ANKS1B: variants seen among roughly 807,000 people sequenced by gnomAD.
ANKS1B encodes ankyrin repeat and sterile alpha motif domain-containing protein 1B.
In ANKS1B, 36 loss-of-function variants were observed where a neutral mutation model predicts 148.3. The ratio of observed to expected loss-of-function variants is 0.24; its 90% CI spans 0.19 to 0.32. The LOEUF (loss-of-function observed/expected upper bound fraction) is 0.32, where lower values mean the gene tolerates loss of function less well. Among genes scored for constraint, ANKS1B ranks in the 10% least tolerant of loss-of-function variants. ANKS1B has a pLI of 1.00. For synonymous variants in ANKS1B, 542 were observed against 560.8 expected (o/e 0.97, Z 0.47); for missense variants, 1,157 against 1,542.6 (o/e 0.75, Z 4.19).
At chr12:99,370,575 C>T (rs772965268) in intron 12 of ANKS1B, among the ~76,000 whole-genome samples, 6 of 152,104 alleles carry the variant, frequency 3.9e-5, no homozygotes, top group Non-Finnish European at 5.9e-5. Flanking sequence ...AGCACATTTT[C>T]CCAGTCTCAG....
intron 1 of ANKS1B, among the ~76,000 whole-genome samples, chr12:99,982,489 G>T (rs1192635280): frequency 6.6e-6 from 1 of 152,096 alleles, no homozygotes; most frequent in Non-Finnish European, 1.5e-5. Context: ...TTTTCCCGAA[G>T]AAATTGTTTA....
chr12:99,164,009 T>C (rs905430162), intron 14 of ANKS1B, among the ~76,000 whole-genome samples: 19 of 152,222 alleles, frequency 1.2e-4, no homozygotes, highest in African/African-American at 4.6e-4. Flanking sequence ...CTTGCGGTTT[T>C]AATTTGTATT....
At chr12:99,194,309 T>C (rs2081128334) in intron 14 of ANKS1B, among the ~76,000 whole-genome samples, 1 of 152,150 alleles carries the variant, frequency 6.6e-6, no homozygotes, top group South Asian at 2.1e-4. Flanking sequence ...AAAAGTATGT[T>C]ATACTCAACA....
chr12:99,980,608 T>C (rs1337846810), intron 1 of ANKS1B, among the ~76,000 whole-genome samples: 3 of 152,010 alleles, frequency 2.0e-5, no homozygotes, highest in Non-Finnish European at 4.4e-5. Flanking sequence ...AAGAGGGTCA[T>C]TGCAAAATTT....
intron 4 of ANKS1B, among the ~76,000 whole-genome samples, chr12:99,785,160 G>C (rs1288227470): frequency 6.6e-6 from 1 of 151,520 alleles, no homozygotes; most frequent in African/African-American, 2.4e-5. Context: ...AGATTCCAAA[G>C]ATGAAGCTTT....
At chr12:98,811,733 G>C (rs1437124044) in intron 19 of ANKS1B, among the ~76,000 whole-genome samples, 1 of 152,134 alleles carries the variant, frequency 6.6e-6, no homozygotes, top group South Asian at 2.1e-4. Flanking sequence ...CAGGGGCAGG[G>C]CAGGATTCAC....
At chr12:99,218,190 G>T (rs1043832699) in intron 14 of ANKS1B, among the ~76,000 whole-genome samples, 10 of 151,996 alleles carry the variant, frequency 6.6e-5, no homozygotes, top group African/African-American at 2.4e-4. Context: ...TCTGCTTTTT[G>T]AATTTAAAAA....
At chr12:98,972,276 G>A (rs2099883816) in intron 17 of ANKS1B, among the ~76,000 whole-genome samples, 1 of 152,236 alleles carries the variant, frequency 6.6e-6, no homozygotes, top group African/African-American at 2.4e-5. Context: ...GTTTGCTAAT[G>A]TTGGAAGAAA....
chr12:99,399,445 C>T (rs1182259785), intron 12 of ANKS1B, among the ~76,000 whole-genome samples, 186 bp downstream of exon 12: 1 of 152,024 alleles, frequency 6.6e-6, no homozygotes, highest in East Asian at 1.9e-4. Context: ...CACCAAAAGG[C>T]CATCCATGTA....
intron 8 of ANKS1B, among the ~76,000 whole-genome samples, chr12:99,660,891 T>G (rs572736796): frequency 3.6e-4 from 55 of 152,250 alleles, no homozygotes; most frequent in African/African-American, 1.3e-3. Context: ...CAGGTCTCAC[T>G]AACAGCTGAA....
intron 15 of ANKS1B, among the ~76,000 whole-genome samples, chr12:99,113,854 TG>T (rs1489847631): frequency 6.6e-6 from 1 of 152,208 alleles, no homozygotes; most frequent in African/African-American, 2.4e-5. Flanking sequence ...TGTATTGATT[TG>T]TATATTCTAA....
intron 25 of ANKS1B, among the ~76,000 whole-genome samples, chr12:98,765,706 C>T (rs556245496): frequency 1.3e-5 from 2 of 148,246 alleles, no homozygotes; most frequent in South Asian, 4.3e-4. Flanking sequence ...AGCAGTTCTC[C>T]TGCCTCAGCC....
intron 9 of ANKS1B, among the ~76,000 whole-genome samples, chr12:99,632,390 T>C (rs1305352464): frequency 6.6e-6 from 1 of 151,818 alleles, no homozygotes; most frequent in East Asian, 2.0e-4. Flanking sequence ...AGTGGAAATG[T>C]GGGGTTGGAG....
chr12:99,981,267 G>A (rs926679692), intron 1 of ANKS1B, among the ~76,000 whole-genome samples: 4 of 152,034 alleles, frequency 2.6e-5, no homozygotes, highest in African/African-American at 7.2e-5. Context: ...GAATAGTGAG[G>A]CTTAGAGAGG....
intron 1 of ANKS1B, among the ~76,000 whole-genome samples, chr12:99,890,045 C>A (rs1183136836): frequency 6.6e-6 from 1 of 152,110 alleles, no homozygotes; most frequent in Non-Finnish European, 1.5e-5. Context: ...AATGTCCTTT[C>A]TTTGAGCTCT....
chr12:98,821,056 T>C (rs1023579113), intron 19 of ANKS1B, among the ~76,000 whole-genome samples: 1 of 152,226 alleles, frequency 6.6e-6, no homozygotes, highest in Admixed American at 6.5e-5. Context: ...ATTTTATTTG[T>C]GCCTCACAAC....
chr12:99,726,200 G>T (rs967043558), intron 8 of ANKS1B, among the ~76,000 whole-genome samples: 1 of 152,106 alleles, frequency 6.6e-6, no homozygotes, highest in Non-Finnish European at 1.5e-5. Context: ...AAATCCAGCA[G>T]CTGGTTTTTT....
At chr12:99,037,939 CT>C in intron 17 of ANKS1B, among the ~76,000 whole-genome samples, 1 of 152,260 alleles carries the variant, frequency 6.6e-6, no homozygotes, top group East Asian at 1.9e-4. Flanking sequence ...GACACGTTGC[CT>C]GGTGTGTGGT....
chr12:99,431,208 T>A (rs2095364177), intron 11 of ANKS1B, among the ~76,000 whole-genome samples: 1 of 152,220 alleles, frequency 6.6e-6, no homozygotes, highest in Admixed American at 6.5e-5. Flanking sequence ...CATGACATAA[T>A]CTAAAGATAC....
Sources: allele counts gnomAD v4.1 joint callset (sites outside exome capture counted in the v4.1 genomes callset), GRCh38; gene constraint gnomAD v4.1.1; transcripts MANE v1.5; gene names NCBI Gene and HGNC (gene_info 2026-07-23, HGNC 2026-07-21).